IL4R: variants seen among roughly 807,000 people sequenced by gnomAD.
The protein encoded by IL4R is interleukin-4 receptor subunit alpha.
Under a neutral mutation model 41.5 loss-of-function variants are expected in IL4R, and 17 were observed. The ratio of observed to expected loss-of-function variants is 0.41; its 90% CI spans 0.28 to 0.61. The LOEUF is 0.61. Ranked by LOEUF, IL4R falls within the 20% of genes least tolerant of loss-of-function variation. The pLI is 0.31. For missense variants in IL4R, 974 were observed against 1,043.1 expected (o/e 0.93, Z 0.91); for synonymous variants, 402 against 422.9 (o/e 0.95, Z 0.61).
intron 3 of IL4R, among the ~76,000 whole-genome samples, chr16:27,341,638 G>A (rs1388280557): frequency 2.0e-5 from 3 of 152,076 alleles, no homozygotes; most frequent in Admixed American, 1.3e-4. Context: ...AAACCCAACC[G>A]GAAACTAAAG....
Position 27,363,765 on chromosome 16 carries a change from T to G in IL4R, c.2413T>G (p.Ser805Ala). 1.2e-6 allele frequency: 2 copies of G among 1,612,106 alleles called. No homozygotes were observed. Among genetic ancestry groups the G allele is most frequent in the Non-Finnish European group, 1.7e-6 (2 of 1,180,010 alleles). Residue 805 changes from serine (S) to alanine (A), a missense_variant, in exon 11 of 11, where the codon TCA becomes GCA. Around this residue, in one of 3 missense-constraint regions of IL4R, gnomAD observed 682 missense variants for 704.3 expected, o/e 0.97. Coordinates refer to ENST00000395762, the MANE Select transcript of IL4R (RefSeq NM_000418.4). Reference protein sequence around the residue: ...FHPAPGNAQSSSQTPKIVNFV... With the variant: ...FHPAPGNAQSASQTPKIVNFV... Reference sequence around the variant, plus strand: ...TCCTGCCCCTGGCAATGCTCAGAGCTCAAGCCAGACCCCCAAAATCGTGAA... The same window carrying G: ...TCCTGCCCCTGGCAATGCTCAGAGCGCAAGCCAGACCCCCAAAATCGTGAA...
chr16:27,333,199 C>CTT (rs60009498), intron 2 of IL4R, among the ~76,000 whole-genome samples: 7,540 of 142,900 alleles, frequency 0.053, 483 homozygotes, highest in African/African-American at 0.15. Context: ...TCGGGTGACT[C>CTT]TTTTTTTTTT....
At chr16:27,336,388 G>A (rs1447822454) in intron 2 of IL4R, among the ~76,000 whole-genome samples, 1 of 152,124 alleles carries the variant, frequency 6.6e-6, no homozygotes, top group Non-Finnish European at 1.5e-5. Flanking sequence ...ACGCGTAAGG[G>A]AGGAAGGGCC....
intron 1 of IL4R, among the ~76,000 whole-genome samples, chr16:27,316,230 C>T (rs1004117212): frequency 1.3e-5 from 2 of 152,054 alleles, no homozygotes; most frequent in Non-Finnish European, 2.9e-5. Context: ...CTTAGCCAGG[C>T]GTGGTAGCAG....
intron 2 of IL4R, among the ~76,000 whole-genome samples, chr16:27,333,441 G>A (rs1449897777): frequency 6.6e-6 from 1 of 151,980 alleles, no homozygotes; most frequent in Non-Finnish European, 1.5e-5. Context: ...ATCCACGGTG[G>A]GCTCGGAAGC....
chr16:27,322,412 A>G (rs915599923), intron 1 of IL4R, among the ~76,000 whole-genome samples: 4 of 152,128 alleles, frequency 2.6e-5, no homozygotes, highest in Non-Finnish European at 5.9e-5. Flanking sequence ...CCTAGGTTCA[A>G]GCAGTCTGCC....
chr16:27,328,878 T>C (rs2085035477), intron 1 of IL4R, among the ~76,000 whole-genome samples: 1 of 152,202 alleles, frequency 6.6e-6, no homozygotes, highest in Non-Finnish European at 1.5e-5. Context: ...GTCTTATTGA[T>C]TTGTAAGAAC....
intron 1 of IL4R, among the ~76,000 whole-genome samples, chr16:27,316,360 ACT>A (rs2084650020): frequency 6.6e-6 from 1 of 152,090 alleles, no homozygotes; most frequent in South Asian, 2.1e-4. Context: ...ACAGAGCGAG[ACT>A]CTGTCTCAAA....
chr16:27,362,751 C>T lies in IL4R; in HGVS notation c.1399C>T (p.Leu467=), dbSNP rs1439622440. 4.3e-6 allele frequency: 7 copies of T among 1,614,136 alleles called. No individual in the cohort carries two copies. Among genetic ancestry groups the T allele is most frequent in the Middle Eastern group, 3.3e-4 (2 of 6,062 alleles). ...PPWGKEQPLH[L]EPSPPASPTQ... The stretch of plus-strand genomic sequence containing the variant: ...CTGGGGCAAGGAGCAGCCTCTCCAC[C>T]TGGAGCCAAGTCCTCCTGCCAGCCC... Residue 467 remains leucine, a synonymous_variant, in exon 11 of 11, where the codon CTG becomes TTG. Transcript: ENST00000395762.
intron 10 of IL4R, chr16:27,361,170 A>G: frequency 1.9e-6 from 1 of 516,384 alleles, no homozygotes; most frequent in Non-Finnish European, 2.8e-6. Context: ...ACAGGATCTC[A>G]CTCTGTGGCC....
At position 27,362,679 on chromosome 16, in the gene IL4R, A is replaced by G. The variant is rs759499355; in HGVS notation, c.1327A>G (p.Met443Val). 3 of 1,614,130 alleles carry G rather than the reference A, an allele frequency of 1.9e-6. No homozygotes were observed. Among genetic ancestry groups the G allele is most frequent in the Admixed American group, 1.7e-5 (1 of 60,016 alleles). ...LPPSGSTSAH[M>V]PWDEFPSAGP... is the part of the protein sequence containing the mutation. ...ACCTTCGGGAAGTACGAGTGCTCAC[A>G]TGCCCTGGGATGAGTTCCCAAGTGC... is the stretch of plus-strand genomic sequence containing the variant. The change falls in exon 11 of 11, where the codon ATG (methionine) becomes GTG (valine). Residue 443 changes from methionine to valine, a missense_variant. Met to Val is a conservative substitution (Grantham distance 21). Coordinates refer to ENST00000395762, the MANE Select transcript of IL4R (RefSeq NM_000418.4).
intron 6 of IL4R, among the ~76,000 whole-genome samples, chr16:27,348,326 T>C (rs2085735224): frequency 1.3e-5 from 2 of 152,086 alleles, no homozygotes; most frequent in South Asian, 2.1e-4. Flanking sequence ...TAAATCTCCT[T>C]CTCATGCCCC....
chr16:27,332,663 T>G (rs1381389476), intron 2 of IL4R, among the ~76,000 whole-genome samples: 1 of 152,092 alleles, frequency 6.6e-6, no homozygotes, highest in Non-Finnish European at 1.5e-5. Flanking sequence ...ATTTTCTATT[T>G]TTAATTTCAT....
rs766212666 is a variant in IL4R, at chr16:27,352,657, A to G, written c.631A>G (p.Thr211Ala). 7 of 1,614,092 alleles carry G rather than the reference A, an allele frequency of 4.3e-6. No homozygotes were observed. In the South Asian group the frequency reaches 6.6e-5, roughly 15 times the overall value. Residue 211 changes from threonine (T) to alanine (A), a missense_variant, in exon 7 of 11, where the codon ACC becomes GCC. Physicochemically the swap from Thr to Ala is moderately conservative, Grantham distance 58. This residue lies in a region of IL4R where 284 missense variants were observed against 313.4 expected (regional missense o/e 0.91). Coordinates refer to ENST00000395762, the MANE Select transcript of IL4R (RefSeq NM_000418.4). ...GGCCTGGGCTCAGTGCTATAACACC[A>G]CCTGGAGTGAGTGGAGCCCCAGCAC... ...VRAWAQCYNTTWSEWSPSTKW... is the reference protein window; with the variant it reads ...VRAWAQCYNTAWSEWSPSTKW...
At chr16:27,359,906 T>C in intron 9 of IL4R, 1 of 337,484 alleles carries the variant, frequency 3.0e-6, no homozygotes, top group South Asian at 2.0e-5. Context: ...CATTTGGGGC[T>C]GGGCTCAGCA....
In IL4R at chr16:27,363,141, C is replaced by A. The variant is rs569986612; in HGVS notation, c.1789C>A (p.Pro597Thr). 5 of 1,613,312 alleles carry A rather than the reference C, an allele frequency of 3.1e-6. No individual in the cohort carries two copies. The South Asian group carries it at 5.5e-5, about 18-fold the overall frequency. Residue 597 changes from proline to threonine, a missense_variant, in exon 11 of 11, where the codon CCC (proline) becomes ACC (threonine). Pro to Thr is a conservative substitution (Grantham distance 38, BLOSUM62 -1). Coordinates refer to ENST00000395762, the MANE Select transcript of IL4R (RefSeq NM_000418.4). Reference protein sequence around the residue: ...TQASAVVGLGPPGEAGYKAFS... With the variant: ...TQASAVVGLGTPGEAGYKAFS... ...GGCCAGTGCGGTGGTGGGCTTGGGT[C>A]CCCCAGGAGAGGCTGGTTACAAGGC...
intron 7 of IL4R, among the ~76,000 whole-genome samples, chr16:27,352,974 C>T (rs2085930872): frequency 1.3e-5 from 2 of 152,204 alleles, no homozygotes; most frequent in Non-Finnish European, 2.9e-5. Context: ...TAGGTGGTTT[C>T]CCTCCCTGTA....
Position 27,363,903 on chromosome 16 carries a change from T to G in IL4R, c.*73T>G. The G allele has an allele frequency of 6.7e-7, 1 of 1,488,254 alleles. No individual in the cohort carries two copies. Among genetic ancestry groups the G allele is most frequent in the Non-Finnish European group, 9.0e-7 (1 of 1,114,378 alleles). The allele number at this position is 1,488,254 out of a possible 1,614,324, so 92.2% of individuals were successfully genotyped here. ...TCCATGCCTGGGAAATGCCACCTCCTGGAAGGCAGCCAGGCTGGCAGATTT... is the reference window on the plus strand; with the variant it reads ...TCCATGCCTGGGAAATGCCACCTCCGGGAAGGCAGCCAGGCTGGCAGATTT... On this transcript the variant is annotated 3_prime_UTR_variant, in exon 11 of 11. Coordinates refer to ENST00000395762, the MANE Select transcript of IL4R (RefSeq NM_000418.4).
Position 27,358,911 on chromosome 16 carries a change from T to C in IL4R, c.771-5T>C. The C allele has an allele frequency of 1.2e-6, 2 of 1,612,516 alleles. No homozygotes were observed. Among genetic ancestry groups the C allele is most frequent in the Non-Finnish European group, 1.7e-6 (2 of 1,178,548 alleles). On this transcript the variant is annotated splice_region_variant and splice_polypyrimidine_tract_variant and intron_variant, in intron 8 of 10. Coordinates refer to ENST00000395762, the MANE Select transcript of IL4R (RefSeq NM_000418.4). ...AGATCAACACCTTTTCCTTTTGTTT[T>C]TCAGGATTAAGAAAGAATGGTGGGA...
Sources: allele counts gnomAD v4.1 joint callset (sites outside exome capture counted in the v4.1 genomes callset), GRCh38; gene constraint gnomAD v4.1.1; regional missense constraint gnomAD v4.1.1; transcripts MANE v1.5; gene names NCBI Gene and HGNC (gene_info 2026-07-23, HGNC 2026-07-21).